Variants in XRN1 observed in about 807,000 individuals in gnomAD.
The protein encoded by XRN1 is strand-exchange protein 1 homolog.
Under a neutral mutation model 222.3 loss-of-function variants are expected in XRN1, and 67 were observed. The observed-to-expected ratio is 0.30, with a 90% CI of 0.25 to 0.37. The LOEUF is 0.37. XRN1 is among the 10% of genes least tolerant of loss of function. The pLI is 1.00. For missense variants in XRN1, 1,707 were observed against 2,000.2 expected (o/e 0.85, Z 2.80); for synonymous variants, 643 against 652.4 (o/e 0.99, Z 0.22).
chr3:142,429,711 G>C (rs192629585), intron 2 of XRN1: 3 of 152,334 alleles, frequency 2.0e-5, no homozygotes, highest in Admixed American at 1.3e-4. Context: ...ACACCAGGTA[G>C]GTTAGAAAGT....
At chr3:142,414,045 A>T in intron 14 of XRN1, 90 bp downstream of exon 14, 1 of 1,289,966 alleles carries the variant, frequency 7.8e-7, no homozygotes, top group Non-Finnish European at 1.0e-6. Flanking sequence ...CTTAGCTACC[A>T]AATAAATTTG....
intron 20 of XRN1, among the ~76,000 whole-genome samples, chr3:142,384,936 C>T (rs2067438140): frequency 6.6e-6 from 1 of 152,130 alleles, no homozygotes; most frequent in African/African-American, 2.4e-5. Flanking sequence ...CCTGTTCTCA[C>T]ATCCACTAGG....
At chr3:142,324,908 ATATCTTGAGAAGTGTG>A (rs2065474973) in intron 37 of XRN1, among the ~76,000 whole-genome samples, 1 of 151,840 alleles carries the variant, frequency 6.6e-6, no homozygotes, top group Non-Finnish European at 1.5e-5. Context: ...TGAGAAGTGT[ATATCTTGAGAAGTGTG>A]TATATATATA....
Position 142,308,783 on chromosome 3 carries a change from G to T in XRN1, c.*2728C>A, listed in dbSNP as rs1026120055. ...GGCTTAAATAGATTGAAGTGCTCTA[G>T]TTATGTGGAAGCATAAAGCAATTTG... On this transcript the variant is annotated 3_prime_UTR_variant, in exon 41 of 41. Coordinates refer to ENST00000392981, the MANE Select transcript of XRN1 (RefSeq NM_001282857.2). 4 of 152,186 alleles carry T rather than the reference G, an allele frequency of 2.6e-5. No individual in the cohort carries two copies. The highest frequency in any genetic ancestry group is 4.4e-5 in the Non-Finnish European group (3 of 68,026). 9.4% of individuals were successfully genotyped at this position (152,186 alleles called of 1,614,324 possible). A position where few individuals can be genotyped will look rare whatever the true frequency, so the allele number is the denominator to read the frequency against.
intron 37 of XRN1, among the ~76,000 whole-genome samples, chr3:142,327,256 T>A (rs1323885636): frequency 6.6e-6 from 1 of 152,104 alleles, no homozygotes; most frequent in East Asian, 1.9e-4. Flanking sequence ...GATAAGAGGC[T>A]TTTTACTACC....
chr3:142,338,842 C>A (rs151326378), intron 33 of XRN1, among the ~76,000 whole-genome samples: 268 of 152,244 alleles, frequency 1.8e-3, no homozygotes, highest in African/African-American at 6.2e-3. Context: ...TTGGTGACGG[C>A]CACGGGGAAA....
At chr3:142,336,007 A>T (rs1219269477) in intron 33 of XRN1, among the ~76,000 whole-genome samples, 1 of 152,236 alleles carries the variant, frequency 6.6e-6, no homozygotes, top group Non-Finnish European at 1.5e-5. Context: ...ATATGGCCAT[A>T]GCCTATTGGC....
At chr3:142,398,370 T>G (rs1000631974) in intron 19 of XRN1, among the ~76,000 whole-genome samples, 11 of 151,784 alleles carry the variant, frequency 7.2e-5, no homozygotes, top group Non-Finnish European at 1.3e-4. Flanking sequence ...CTACAAAGTT[T>G]TTTTTTTTTT....
chr3:142,376,115 T>A, intron 24 of XRN1, 171 bp from the exon 25 acceptor site: 2 of 1,222,478 alleles, frequency 1.6e-6, no homozygotes, highest in Non-Finnish European at 2.1e-6. Context: ...AAAGTAGCAG[T>A]AATTGAAAAA....
intron 19 of XRN1, among the ~76,000 whole-genome samples, chr3:142,399,015 T>C (rs182983001): frequency 1.5e-3 from 231 of 151,902 alleles, no homozygotes; most frequent in African/African-American, 5.4e-3. Context: ...ATCAGTATGA[T>C]GAAAAAAACC....
chr3:142,315,456 C>T (rs1425856705), intron 39 of XRN1, among the ~76,000 whole-genome samples: 1 of 150,792 alleles, frequency 6.6e-6, no homozygotes, highest in East Asian at 1.9e-4. Flanking sequence ...AGACAAATTA[C>T]ATTAAAAAAA....
At chr3:142,364,684 C>T (rs2107861817) in intron 29 of XRN1, among the ~76,000 whole-genome samples, 1 of 152,016 alleles carries the variant, frequency 6.6e-6, no homozygotes, top group South Asian at 2.1e-4. Flanking sequence ...TAAGTGATTA[C>T]AATGAAAATA....
Position 142,412,398 on chromosome 3 carries a change from G to T in XRN1, c.1713+146C>A, listed in dbSNP as rs1380439834. On this transcript the variant is annotated intron_variant, in intron 15 of 40. Transcript: ENST00000392981. The stretch of plus-strand genomic sequence containing the variant: ...AGCCTTATTATAATTGGCATACCTG[G>T]AAGTTTTTATGCACATAATGAAGAG... 7.7e-6 allele frequency: 9 copies of T among 1,165,024 alleles called. No individual in the cohort carries two copies. The South Asian group carries it at 2.2e-4, about 28-fold the overall frequency. 72.2% of individuals were successfully genotyped at this position (1,165,024 alleles called of 1,614,324 possible). A position where few individuals can be genotyped will look rare whatever the true frequency, so the allele number is the denominator to read the frequency against.
chr3:142,379,501 C>T lies in XRN1; in HGVS notation c.2715+581G>A, dbSNP rs761195522. Among the ~76,000 whole-genome samples, 8 of 152,130 alleles carry T rather than the reference C, an allele frequency of 5.3e-5. No individual in the cohort carries two copies. The South Asian group carries it at 1.5e-3, about 28-fold the overall frequency. ...GTCAGAAAATGAAGCTGGTTGATTG[C>T]GAATTAATTTTAGCTAATTATCCAA... On this transcript the variant is annotated intron_variant, in intron 23 of 40. Transcript: ENST00000392981.
At chr3:142,435,614 C>T (rs780458555) in intron 1 of XRN1, among the ~76,000 whole-genome samples, 46 of 151,472 alleles carry the variant, frequency 3.0e-4, no homozygotes, top group Non-Finnish European at 6.0e-4. Context: ...AAAAATTAGC[C>T]TGGGTGGTGG....
intron 32 of XRN1, among the ~76,000 whole-genome samples, chr3:142,351,046 T>C (rs948161245): frequency 6.6e-6 from 1 of 152,158 alleles, no homozygotes; most frequent in Non-Finnish European, 1.5e-5. Flanking sequence ...TGTAGGTATA[T>C]ATGTTTGTGT....
At chr3:142,335,025 G>C (rs1400859566) in intron 34 of XRN1, among the ~76,000 whole-genome samples, 1 of 151,648 alleles carries the variant, frequency 6.6e-6, no homozygotes, top group Non-Finnish European at 1.5e-5. Context: ...ATTTTTAGTA[G>C]AGACGGGGTT....
intron 18 of XRN1, among the ~76,000 whole-genome samples, chr3:142,402,635 C>T (rs900818042): frequency 2.0e-5 from 3 of 152,140 alleles, no homozygotes; most frequent in Admixed American, 6.5e-5. Flanking sequence ...TGACTTAGGG[C>T]ATTAGGGCTT....
intron 34 of XRN1, among the ~76,000 whole-genome samples, chr3:142,333,681 T>G (rs544006781): frequency 6.6e-6 from 1 of 152,274 alleles, no homozygotes; most frequent in South Asian, 2.1e-4. Flanking sequence ...TGGTAGGTAA[T>G]TAAGTTTAGA....
Sources: gnomAD v4.1 joint callset for allele counts (sites outside exome capture counted in the v4.1 genomes callset) on GRCh38, gnomAD v4.1.1 for gene constraint, MANE v1.5 for transcripts, NCBI Gene and HGNC (gene_info 2026-07-23, HGNC 2026-07-21) for gene names.